ZNF536: variants seen among roughly 807,000 people sequenced by gnomAD.
ZNF536 encodes the protein zinc finger protein 536.
ZNF536 carries 13 observed loss-of-function variants against 84.5 expected under a neutral mutation model. The ratio of observed to expected loss-of-function variants is 0.15; its 90% CI spans 0.10 to 0.24. ZNF536 has a LOEUF of 0.24. Ranked by LOEUF, ZNF536 falls within the 10% of genes least tolerant of loss-of-function variation. ZNF536 has a pLI of 1.00. For missense variants in ZNF536, 1,536 were observed against 1,747.5 expected, an observed-to-expected ratio of 0.88 and a Z score of 2.16; for synonymous variants, 811 against 742.5, an observed-to-expected ratio of 1.09 and a Z score of -1.50.
In ZNF536 at chr19:30,444,657, C is replaced by T. The variant is rs2148192587; in HGVS notation, c.1095C>T (p.Arg365=). 1 of 1,613,964 alleles carries T rather than the reference C, an allele frequency of 6.2e-7. No individual in the cohort carries two copies. Among genetic ancestry groups the T allele is most frequent in the African/African-American group, 1.3e-5 (1 of 75,086 alleles). The change falls in exon 2 of 5, where the codon CGC becomes CGT. Residue 365 remains arginine (R), a synonymous_variant. Coordinates refer to ENST00000355537, the MANE Select transcript of ZNF536 (RefSeq NM_014717.3). Reference sequence around the variant, plus strand: ...CGTGGTTCCTCAAGGGTCACATGCGCAAGCACAAAGACTCCTTTGAGCACT... The same window carrying T: ...CGTGGTTCCTCAAGGGTCACATGCGTAAGCACAAAGACTCCTTTGAGCACT... The part of the protein sequence containing the change: ...SQAWFLKGHM[R]KHKDSFEHCC...
At chr19:30,247,395 G>A (rs1180522462) in intron 1 of ZNF536, among the ~76,000 whole-genome samples, 12 of 152,222 alleles carry the variant, frequency 7.9e-5, no homozygotes, top group Non-Finnish European at 1.5e-4. Context: ...TGCTTGTCAG[G>A]CATGCCGGTT....
intron 1 of ZNF536, among the ~76,000 whole-genome samples, chr19:30,583,870 G>A (rs1370785262): frequency 6.6e-6 from 1 of 152,148 alleles, no homozygotes; most frequent in African/African-American, 2.4e-5. Context: ...ATGGAGACCC[G>A]AGAGCCGTGA....
At chr19:30,266,284 C>T (rs778897526) in intron 1 of ZNF536, among the ~76,000 whole-genome samples, 128 of 152,166 alleles carry the variant, frequency 8.4e-4, no homozygotes, top group Non-Finnish European at 1.4e-3. Flanking sequence ...TCCTGGGCTC[C>T]AGTGATTCTC....
intron 2 of ZNF536, among the ~76,000 whole-genome samples, chr19:30,496,386 A>G (rs1050891514): frequency 6.6e-6 from 1 of 152,126 alleles, no homozygotes; most frequent in Non-Finnish European, 1.5e-5. Flanking sequence ...TGGGGATGCC[A>G]TGGTCCTTTG....
chr19:30,354,602 C>T (rs868469883), intron 3 of ZNF536, among the ~76,000 whole-genome samples: 5 of 152,158 alleles, frequency 3.3e-5, no homozygotes, highest in Admixed American at 3.3e-4. Context: ...AGAACAATTA[C>T]GTGTTCTGTG....
intron 2 of ZNF536, among the ~76,000 whole-genome samples, chr19:30,327,344 T>C (rs1216373394): frequency 6.6e-6 from 1 of 152,144 alleles, no homozygotes; most frequent in East Asian, 1.9e-4. Flanking sequence ...CCCTGCCCCA[T>C]CCAGAGAGGT....
intron 2 of ZNF536, among the ~76,000 whole-genome samples, chr19:30,484,430 G>T (rs1392717438): frequency 1.4e-5 from 2 of 146,366 alleles, no homozygotes; most frequent in Non-Finnish European, 3.0e-5. Context: ...TAGAGACAGG[G>T]TTTCACCATG....
intron 1 of ZNF536, among the ~76,000 whole-genome samples, chr19:30,249,997 G>A (rs184426233): frequency 2.8e-3 from 434 of 152,310 alleles, no homozygotes; most frequent in Non-Finnish European, 5.3e-3. Flanking sequence ...GTAAGAACAT[G>A]TTTTCTATTG....
intron 2 of ZNF536, among the ~76,000 whole-genome samples, chr19:30,463,875 G>A (rs1210803373): frequency 6.6e-6 from 1 of 152,090 alleles, no homozygotes; most frequent in Non-Finnish European, 1.5e-5. Context: ...TCATGGTGAT[G>A]TGTTCTGTTT....
intron 3 of ZNF536, among the ~76,000 whole-genome samples, chr19:30,542,858 T>G (rs1230022361): frequency 1.3e-5 from 2 of 152,196 alleles, no homozygotes; most frequent in East Asian, 3.9e-4. Context: ...ATCCCCCAGG[T>G]TGGTGTGCAG....
intron 1 of ZNF536, among the ~76,000 whole-genome samples, chr19:30,264,960 TGTGTGTGA>T (rs1568542972): frequency 1.1e-5 from 1 of 88,294 alleles, no homozygotes; most frequent in African/African-American, 5.8e-5. Flanking sequence ...TGTGTGTGTG[TGTGTGTGA>T]GAGAGAGAGA....
rs1038802431 is a variant in ZNF536 at position 30,339,704 on chromosome 19, T to C, written c.-119-12664T>C. Among the ~76,000 whole-genome samples the C allele has an allele frequency of 4.6e-5, 7 of 152,084 alleles. No homozygotes were observed. In the East Asian group the frequency reaches 5.8e-4, roughly 13 times the overall value. On this transcript the variant is annotated intron_variant, in intron 2 of 5. Coordinates refer to the ZNF536 transcript ENST00000585628. ...GTGACATTGCCAAATCTCTGCACCA[T>C]AGGGAGACAAGAGGGGCTGCTACAG... is the stretch of plus-strand genomic sequence containing the variant.
chr19:30,536,606 G>T (rs969029758), intron 3 of ZNF536, among the ~76,000 whole-genome samples: 1 of 152,174 alleles, frequency 6.6e-6, no homozygotes, highest in African/African-American at 2.4e-5. Flanking sequence ...AAGGTTGAAT[G>T]ACAGAAGAAA....
intron 2 of ZNF536, among the ~76,000 whole-genome samples, chr19:30,522,351 G>A (rs943638424): frequency 1.4e-5 from 2 of 143,566 alleles, no homozygotes; most frequent in Non-Finnish European, 3.0e-5. Flanking sequence ...ATATTGAAGG[G>A]TTCAGCATTT....
intron 2 of ZNF536, among the ~76,000 whole-genome samples, chr19:30,295,163 T>C (rs2145852965): frequency 6.6e-6 from 1 of 152,310 alleles, no homozygotes. Flanking sequence ...GAGATGCTGA[T>C]GCTGCTGGTC....
intron 2 of ZNF536, among the ~76,000 whole-genome samples, chr19:30,501,790 C>T (rs945934664): frequency 6.6e-6 from 1 of 152,228 alleles, no homozygotes; most frequent in African/African-American, 2.4e-5. Context: ...AGGTCCTTAA[C>T]CCATTCATGC....
chr19:30,621,700 G>C (rs2048488000), intron 1 of ZNF536, among the ~76,000 whole-genome samples: 1 of 152,346 alleles, frequency 6.6e-6, no homozygotes, highest in East Asian at 1.9e-4. Context: ...GGAGCAGCCG[G>C]GTGGGAGCCG....
intron 1 of ZNF536, among the ~76,000 whole-genome samples, chr19:30,408,833 T>C (rs1466363941): frequency 1.3e-5 from 2 of 150,292 alleles, no homozygotes; most frequent in Admixed American, 1.3e-4. Flanking sequence ...CTATCATCCA[T>C]CCATCTATAT....
chr19:30,546,087 T>C (rs6510166), intron 3 of ZNF536, among the ~76,000 whole-genome samples: 34,858 of 152,118 alleles, frequency 0.23, 4,736 homozygotes, highest in African/African-American at 0.37. Flanking sequence ...CTGCCTCTGT[T>C]ACACCTGATC....
Sources: allele counts gnomAD v4.1 joint callset (sites outside exome capture counted in the v4.1 genomes callset), GRCh38; gene constraint gnomAD v4.1.1; transcripts MANE v1.5; gene names NCBI Gene and HGNC (gene_info 2026-07-23, HGNC 2026-07-21).